Variants in TNFRSF6B observed in about 807,000 individuals in gnomAD.
TNFRSF6B encodes the protein TNF receptor superfamily member 6b, also known as tumor necrosis factor receptor superfamily member 6B.
Under a neutral mutation model 17.9 loss-of-function variants are expected in TNFRSF6B, and 23 were observed. The observed-to-expected ratio is 1.28, with a 90% CI of 0.92 to 1.82. The LOEUF is 1.82. Ranked by LOEUF, TNFRSF6B falls within the 40% of genes most tolerant of loss-of-function variation. TNFRSF6B has a pLI of 0.00. For synonymous variants in TNFRSF6B, 291 were observed against 195.8 expected (o/e 1.49, Z -4.06); for missense variants, 555 against 437.2 (o/e 1.27, Z -2.40).
In TNFRSF6B at chr20:63,696,733, C is replaced by T. The variant is rs1314245043; in HGVS notation, c.-35C>T. ...CAGGCACAGCAGGGTCCTGTGTCCG[C>T]GCTGAGCCGCGCTCTCCCTGCTCCA... On this transcript the variant is annotated 5_prime_UTR_variant, in exon 1 of 3. Coordinates refer to ENST00000369996, the MANE Select transcript of TNFRSF6B (RefSeq NM_003823.4). 5.9e-6 allele frequency: 9 copies of T among 1,514,108 alleles called. No individual in the cohort carries two copies. The East Asian group carries it at 7.1e-5, about 12-fold the overall frequency. 93.8% of individuals were successfully genotyped at this position (1,514,108 alleles called of 1,614,324 possible). A position where few individuals can be genotyped will look rare whatever the true frequency, so the allele number is the denominator to read the frequency against.
chr20:63,697,270 T>G, intron 1 of TNFRSF6B, 58 bp from the exon 2 acceptor site: 2 of 1,566,406 alleles, frequency 1.3e-6, no homozygotes, highest in South Asian at 2.3e-5. Flanking sequence ...GGTCCCAGCC[T>G]TGCACCCTGA....
rs370000278 is a variant in TNFRSF6B at position 63,696,850 on chromosome 20, G to A, written c.83G>A (p.Arg28His). ...GCCCTGCTGCCGGTGCCGGCTGTAC[G>A]CGGAGTGGCAGAAACACCCACCTAC... ...LPALLPVPAV[R>H]GVAETPTYPW... is the part of the protein sequence containing the mutation. Residue 28 changes from arginine to histidine, a missense_variant, in exon 1 of 3, where the codon CGC (arginine) becomes CAC (histidine). Physicochemically the swap from Arg to His is conservative, Grantham distance 29 (BLOSUM62 0). Transcript: ENST00000369996. 9 of 1,611,402 alleles carry A rather than the reference G, an allele frequency of 5.6e-6. No individual in the cohort carries two copies. Among genetic ancestry groups the A allele is most frequent in the African/African-American group, 2.7e-5 (2 of 74,910 alleles).
At position 63,698,632 on chromosome 20, in the gene TNFRSF6B, A is replaced by G. The variant is rs2091040352; in HGVS notation, c.*69A>G. On this transcript the variant is annotated 3_prime_UTR_variant, in exon 3 of 3. Coordinates refer to ENST00000369996, the MANE Select transcript of TNFRSF6B (RefSeq NM_003823.4). ...TGCACTGAAAGAGGCTTTTTTTTAA[A>G]TAGAAGAAATGAGGTTTCTTAAAGC... 2 of 1,386,910 alleles carry G rather than the reference A, an allele frequency of 1.4e-6. No individual in the cohort carries two copies. Among genetic ancestry groups the G allele is most frequent in the Non-Finnish European group, 1.9e-6 (2 of 1,062,970 alleles). 85.9% of individuals were successfully genotyped at this position (1,386,910 alleles called of 1,614,324 possible).
intron 2 of TNFRSF6B, among the ~76,000 whole-genome samples, chr20:63,697,871 T>G (rs1442127345): frequency 1.3e-5 from 2 of 152,114 alleles, no homozygotes; most frequent in African/African-American, 2.4e-5. Flanking sequence ...GGTGGCTGCC[T>G]CCTCTGACAT....
Position 63,698,549 on chromosome 20 carries a change from C to G in TNFRSF6B, c.889C>G (p.Leu297Val). 1 of 1,534,040 alleles carries G rather than the reference C, an allele frequency of 6.5e-7. No homozygotes were observed. Among genetic ancestry groups the G allele is most frequent in the Non-Finnish European group, 8.7e-7 (1 of 1,151,078 alleles). The change falls in exon 3 of 3, where the codon CTC becomes GTC. Residue 297 changes from leucine (L) to valine (V), a missense_variant. Leu to Val is a conservative substitution (Grantham distance 32). Transcript: ENST00000369996. ...GGAGCGGAGCGTCCGTGAGCGCTTC[C>G]TCCCTGTGCACTGATCCTGGCCCCC... is the stretch of plus-strand genomic sequence containing the variant. ...GLERSVRERF[L>V]PVH
Position 63,698,226 on chromosome 20 carries a change from C to T in TNFRSF6B, c.620-54C>T, listed in dbSNP as rs113115338. Reference sequence around the variant, plus strand: ...AGAAAGCAGGGTACCTGGCAGCCCCCGCCAGTGTGTGTGGGTGAAATGATC... The same window carrying T: ...AGAAAGCAGGGTACCTGGCAGCCCCTGCCAGTGTGTGTGGGTGAAATGATC... On this transcript the variant is annotated intron_variant, in intron 2 of 2. Coordinates refer to ENST00000369996, the MANE Select transcript of TNFRSF6B (RefSeq NM_003823.4). The T allele has an allele frequency of 8.7e-3, 13,793 of 1,591,816 alleles. 81 individuals carry two copies. Among genetic ancestry groups the T allele is most frequent in the Non-Finnish European group, 0.011 (12,306 of 1,171,232 alleles).
intron 2 of TNFRSF6B, 78 bp from the exon 3 acceptor site, chr20:63,698,202 G>T: frequency 1.3e-6 from 2 of 1,554,928 alleles, no homozygotes; most frequent in Non-Finnish European, 1.7e-6. Context: ...GTGGGGCCCA[G>T]AAAGCAGGGT....
chr20:63,697,128 G>A lies in TNFRSF6B; in HGVS notation c.361G>A (p.Ala121Thr), dbSNP rs374434659. 47 of 1,590,776 alleles carry A rather than the reference G, an allele frequency of 3.0e-5. No individual in the cohort carries two copies. The highest frequency in any genetic ancestry group is 2.5e-4 in the East Asian group (11 of 44,128). Reference protein sequence around the residue: ...RACRCRTGFFAHAGFCLEHAS... With the variant: ...RACRCRTGFFTHAGFCLEHAS... ...CTGCCGCTGCCGCACCGGCTTCTTCGCGCACGCTGGTTTCTGCTTGGAGCA... is the reference window on the plus strand; with the variant it reads ...CTGCCGCTGCCGCACCGGCTTCTTCACGCACGCTGGTTTCTGCTTGGAGCA... Residue 121 changes from alanine (A) to threonine (T), a missense_variant, in exon 1 of 3, where the codon GCG (alanine) becomes ACG (threonine). Transcript: ENST00000369996.
Position 63,698,390 on chromosome 20 carries a change from C to T in TNFRSF6B, c.730C>T (p.Pro244Ser). ...CCTCGAGGCCCCGGAGGGCTGGGGT[C>T]CGACACCAAGGGCGGGCCGCGCGGC... Reference protein sequence around the residue: ...QALEAPEGWGPTPRAGRAALQ... With the variant: ...QALEAPEGWGSTPRAGRAALQ... Residue 244 changes from proline (P) to serine (S), a missense_variant, in exon 3 of 3, where the codon CCG (proline) becomes TCG (serine). Pro to Ser is a moderately conservative substitution (Grantham distance 74). Coordinates refer to ENST00000369996, the MANE Select transcript of TNFRSF6B (RefSeq NM_003823.4). 1 of 1,603,744 alleles carries T rather than the reference C, an allele frequency of 6.2e-7. No homozygotes were observed.
chr20:63,698,023 G>A (rs2091021080), intron 2 of TNFRSF6B, among the ~76,000 whole-genome samples: 1 of 152,094 alleles, frequency 6.6e-6, no homozygotes, highest in Non-Finnish European at 1.5e-5. Flanking sequence ...CCTTGCCTGG[G>A]CCCCCTTGCC....
intron 2 of TNFRSF6B, among the ~76,000 whole-genome samples, chr20:63,697,730 G>A (rs909655111): frequency 4.6e-5 from 7 of 152,162 alleles, no homozygotes; most frequent in Non-Finnish European, 1.0e-4. Context: ...CTGAGCCAGG[G>A]CACAGCCTCC....
At position 63,696,776 on chromosome 20, in the gene TNFRSF6B, G is replaced by A. The variant is rs748534320; in HGVS notation, c.9G>A (p.Ala3=). 6 of 1,589,458 alleles carry A rather than the reference G, an allele frequency of 3.8e-6. No individual in the cohort carries two copies. Among genetic ancestry groups the A allele is most frequent in the South Asian group, 2.3e-5 (2 of 87,896 alleles). Residue 3 remains alanine (A), a synonymous_variant, in exon 1 of 3, where the codon GCG becomes GCA. Transcript: ENST00000369996. The stretch of plus-strand genomic sequence containing the variant: ...CTGCTCCAGCAAGGACCATGAGGGC[G>A]CTGGAGGGGCCAGGCCTGTCGCTGC... The part of the protein sequence containing the change: MR[A]LEGPGLSLLC...
chr20:63,696,863 A>C lies in TNFRSF6B; in HGVS notation c.96A>C (p.Glu32Asp). 1 of 1,611,726 alleles carries C rather than the reference A, an allele frequency of 6.2e-7. No individual in the cohort carries two copies. Among genetic ancestry groups the C allele is most frequent in the Non-Finnish European group, 8.5e-7 (1 of 1,179,522 alleles). Reference protein sequence around the residue: ...LPVPAVRGVAETPTYPWRDAE... With the variant: ...LPVPAVRGVADTPTYPWRDAE... ...TGCCGGCTGTACGCGGAGTGGCAGA[A>C]ACACCCACCTACCCCTGGCGGGACG... The change falls in exon 1 of 3, where the codon GAA (glutamate) becomes GAC (aspartate). Residue 32 changes from glutamate to aspartate, a missense_variant. Physicochemically the swap from Glu to Asp is conservative, Grantham distance 45. Coordinates refer to ENST00000369996, the MANE Select transcript of TNFRSF6B (RefSeq NM_003823.4).
chr20:63,696,867 C>T lies in TNFRSF6B; in HGVS notation c.100C>T (p.Pro34Ser). The change falls in exon 1 of 3, where the codon CCC becomes TCC. Residue 34 changes from proline (P) to serine (S), a missense_variant. By Grantham distance (74) the Pro-to-Ser change is moderately conservative. Coordinates refer to ENST00000369996, the MANE Select transcript of TNFRSF6B (RefSeq NM_003823.4). ...GGCTGTACGCGGAGTGGCAGAAACA[C>T]CCACCTACCCCTGGCGGGACGCAGA... ...VPAVRGVAET[P>S]TYPWRDAETG... The T allele has an allele frequency of 1.2e-6, 2 of 1,611,632 alleles. No individual in the cohort carries two copies. Among genetic ancestry groups the T allele is most frequent in the East Asian group, 2.2e-5 (1 of 44,854 alleles).
intron 2 of TNFRSF6B, 125 bp from the exon 3 acceptor site, chr20:63,698,155 A>T: frequency 7.9e-7 from 1 of 1,261,114 alleles, no homozygotes; most frequent in Non-Finnish European, 1.1e-6. Flanking sequence ...AGCACGGCTC[A>T]CTGCACAGGG....
Position 63,698,654 on chromosome 20 carries a change from A to G in TNFRSF6B, c.*91A>G. ...TAAATAGAAGAAATGAGGTTTCTTA[A>G]AGCTTATTTTTATAAAGCTTTTTCA... On this transcript the variant is annotated 3_prime_UTR_variant, in exon 3 of 3. Coordinates refer to ENST00000369996, the MANE Select transcript of TNFRSF6B (RefSeq NM_003823.4). The G allele has an allele frequency of 7.5e-7, 1 of 1,325,460 alleles. No homozygotes were observed. The highest frequency in any genetic ancestry group is 9.8e-7 in the Non-Finnish European group (1 of 1,019,924). 82.1% of individuals were successfully genotyped at this position (1,325,460 alleles called of 1,614,324 possible).
At position 63,697,123 on chromosome 20, in the gene TNFRSF6B, T is replaced by G. The variant is rs1444446635; in HGVS notation, c.356T>G (p.Phe119Cys). ...CGTGCCTGCCGCTGCCGCACCGGCTTCTTCGCGCACGCTGGTTTCTGCTTG... is the reference window on the plus strand; with the variant it reads ...CGTGCCTGCCGCTGCCGCACCGGCTGCTTCGCGCACGCTGGTTTCTGCTTG... ...HNRACRCRTG[F>C]FAHAGFCLEH... Residue 119 changes from phenylalanine to cysteine, a missense_variant, in exon 1 of 3, where the codon TTC (phenylalanine) becomes TGC (cysteine). Transcript: ENST00000369996. The G allele has an allele frequency of 1.9e-6, 3 of 1,595,962 alleles. No individual in the cohort carries two copies. Among genetic ancestry groups the G allele is most frequent in the Admixed American group, 1.7e-5 (1 of 57,946 alleles).
intron 2 of TNFRSF6B, 63 bp from the exon 3 acceptor site, chr20:63,698,217 G>C: frequency 6.3e-7 from 1 of 1,581,514 alleles, no homozygotes; most frequent in Non-Finnish European, 8.6e-7. Flanking sequence ...CAGGGTACCT[G>C]GCAGCCCCCG....
At chr20:63,698,084 C>T (rs2091022555) in intron 2 of TNFRSF6B, among the ~76,000 whole-genome samples, 196 bp from the exon 3 acceptor site, 1 of 152,148 alleles carries the variant, frequency 6.6e-6, no homozygotes, top group Admixed American at 6.5e-5. Context: ...GCCTTTGCTC[C>T]AGCTCTCTGA....
Sources: gnomAD v4.1 joint callset for allele counts (sites outside exome capture counted in the v4.1 genomes callset) on GRCh38, gnomAD v4.1.1 for gene constraint, MANE v1.5 for transcripts, NCBI Gene and HGNC (gene_info 2026-07-23, HGNC 2026-07-21) for gene names.